SH3PXD2A: variants seen among roughly 807,000 people sequenced by gnomAD.
The protein encoded by SH3PXD2A is SH3 and PX domain-containing protein 2A.
In SH3PXD2A, 32 loss-of-function variants were observed where a neutral mutation model predicts 115.2. That is an observed-to-expected ratio of 0.28 (90% CI 0.21 to 0.37). SH3PXD2A has a LOEUF of 0.37. SH3PXD2A is among the 10% of genes least tolerant of loss of function. The pLI is 1.00. For synonymous variants in SH3PXD2A, 610 were observed against 629.1 expected, an observed-to-expected ratio of 0.97 and a Z score of 0.45; for missense variants, 1,328 against 1,498.7, an observed-to-expected ratio of 0.89 and a Z score of 1.88.
At chr10:103,675,841 G>A (rs1187019263) in intron 6 of SH3PXD2A, among the ~76,000 whole-genome samples, 1 of 152,084 alleles carries the variant, frequency 6.6e-6, no homozygotes, top group East Asian at 1.9e-4. Flanking sequence ...TCAGGAGTTC[G>A]AGACCAGCCT....
intron 9 of SH3PXD2A, among the ~76,000 whole-genome samples, chr10:103,623,116 T>C (rs2036632717): frequency 6.6e-6 from 1 of 152,190 alleles, no homozygotes; most frequent in Admixed American, 6.5e-5. Flanking sequence ...AACCCTTCCC[T>C]GTGTCTCTGC....
chr10:103,749,407 C>T (rs2038547711), intron 3 of SH3PXD2A, among the ~76,000 whole-genome samples: 1 of 152,246 alleles, frequency 6.6e-6, no homozygotes. Flanking sequence ...ACTCAAAGGG[C>T]ACCCGACCTG....
intron 1 of SH3PXD2A, among the ~76,000 whole-genome samples, chr10:103,804,436 C>T (rs562056417): frequency 2.0e-5 from 3 of 150,150 alleles, no homozygotes; most frequent in Non-Finnish European, 4.4e-5. Context: ...ATTCTCCTGC[C>T]TCAGCCTCCC....
intron 1 of SH3PXD2A, among the ~76,000 whole-genome samples, chr10:103,827,921 A>G (rs2039446459): frequency 6.6e-6 from 1 of 152,222 alleles, no homozygotes; most frequent in African/African-American, 2.4e-5. Context: ...ACAAGAGTGG[A>G]TGAGAACAGT....
rs557609368 is a variant in SH3PXD2A, at chr10:103,784,580, C to A, written c.153+16702G>T. Among the ~76,000 whole-genome samples the A allele has an allele frequency of 5.9e-5, 9 of 152,276 alleles. No homozygotes were observed. The South Asian group carries it at 1.9e-3, about 32-fold the overall frequency. On this transcript the variant is annotated intron_variant, in intron 2 of 14. Transcript: ENST00000369774. The surrounding 1 kb of genome is among the most constrained non-coding windows in gnomAD (Gnocchi z 4.4). ...CATTTTCTATAGGATTGAAAACATTCCTAATTACAAATAAACACTGGAGAG... is the reference window on the plus strand; with the variant it reads ...CATTTTCTATAGGATTGAAAACATTACTAATTACAAATAAACACTGGAGAG...
chr10:103,853,198 G>A (rs1207956468), intron 1 of SH3PXD2A, among the ~76,000 whole-genome samples: 10 of 152,330 alleles, frequency 6.6e-5, no homozygotes, highest in Non-Finnish European at 1.2e-4. Flanking sequence ...TGATCATTTC[G>A]AGGGAACTGG....
chr10:103,809,757 T>A (rs574201036), intron 1 of SH3PXD2A, among the ~76,000 whole-genome samples: 3 of 141,624 alleles, frequency 2.1e-5, no homozygotes, highest in African/African-American at 7.9e-5. Flanking sequence ...CCATCTCAGA[T>A]CACTACAACC....
chr10:103,611,616 G>A lies in SH3PXD2A; in HGVS notation c.1273C>T (p.Arg425Trp), dbSNP rs756112682. 1.2e-5 allele frequency: 19 copies of A among 1,614,008 alleles called. No homozygotes were observed. Among genetic ancestry groups the A allele is most frequent in the South Asian group, 6.6e-5 (6 of 91,062 alleles). ...QRAQISSPNL[R>W]TRPPPRRESS... ...TCTCTGCGTGGTGGAGGTCTTGTCC[G>A]TAGGTTCGGGGAGCCTAGAGGAAGA... is the stretch of plus-strand genomic sequence containing the variant. Residue 425 changes from arginine to tryptophan, a missense_variant, in exon 13 of 15, where the codon CGG becomes TGG. Transcript: ENST00000369774.
chr10:103,610,544 A>C (rs186197240), intron 13 of SH3PXD2A, among the ~76,000 whole-genome samples: 2 of 152,194 alleles, frequency 1.3e-5, no homozygotes, highest in Non-Finnish European at 2.9e-5. Flanking sequence ...TTTAAAAACC[A>C]TATTTTTATG....
At chr10:103,731,138 G>A (rs1005484664) in intron 4 of SH3PXD2A, among the ~76,000 whole-genome samples, 1 of 151,864 alleles carries the variant, frequency 6.6e-6, no homozygotes, top group African/African-American at 2.4e-5. Flanking sequence ...GGGGGCAGCA[G>A]GACTCCTCTG....
At chr10:103,700,137 A>C (rs902480449) in intron 5 of SH3PXD2A, among the ~76,000 whole-genome samples, 1 of 152,246 alleles carries the variant, frequency 6.6e-6, no homozygotes, top group African/African-American at 2.4e-5. Flanking sequence ...GTGTGTCTTC[A>C]GCCACAGGAC....
At chr10:103,693,235 G>A (rs1295725496) in intron 5 of SH3PXD2A, 179 bp from the exon 6 acceptor site, 6 of 104,658 alleles carry the variant, frequency 5.7e-5, no homozygotes, top group Non-Finnish European at 1.2e-4. Context: ...GCGCCCGCCC[G>A]CCCGCCCGCC....
chr10:103,778,328 T>A (rs1201505236), intron 2 of SH3PXD2A, among the ~76,000 whole-genome samples: 2 of 151,782 alleles, frequency 1.3e-5, no homozygotes, highest in Non-Finnish European at 2.9e-5. Flanking sequence ...CGAGACTCCG[T>A]CTCCAGAAAA....
chr10:103,710,590 C>T (rs777519765), intron 5 of SH3PXD2A, among the ~76,000 whole-genome samples: 1 of 152,108 alleles, frequency 6.6e-6, no homozygotes, highest in East Asian at 1.9e-4. Flanking sequence ...TCAGCTAGCA[C>T]GAGGGATATG....
chr10:103,701,679 CCATCCATCATT>C (rs1319703920), intron 5 of SH3PXD2A, among the ~76,000 whole-genome samples: 1 of 148,876 alleles, frequency 6.7e-6, no homozygotes, highest in Non-Finnish European at 1.5e-5. Context: ...CATCATCCAT[CCATCCATCATT>C]CATCCAGCCA....
intron 1 of SH3PXD2A, among the ~76,000 whole-genome samples, chr10:103,838,144 A>T (rs1016683538): frequency 6.6e-6 from 1 of 152,172 alleles, no homozygotes; most frequent in African/African-American, 2.4e-5. Context: ...CCTCTAGAAC[A>T]TGCCACAGGT....
intron 8 of SH3PXD2A, among the ~76,000 whole-genome samples, chr10:103,640,810 A>G (rs1385953957): frequency 6.6e-6 from 1 of 152,114 alleles, no homozygotes; most frequent in Admixed American, 6.5e-5. Context: ...CAACAGGAAG[A>G]AAGGGGGCCT....
intron 2 of SH3PXD2A, among the ~76,000 whole-genome samples, chr10:103,767,810 G>GTTTTT (rs34903223): frequency 0.046 from 3,074 of 66,328 alleles, 88 homozygotes; most frequent in East Asian, 0.053. Flanking sequence ...CAACTGTTTT[G>GTTTTT]TTTTTTTTTT....
chr10:103,738,085 C>G (rs2134188311), intron 3 of SH3PXD2A, among the ~76,000 whole-genome samples: 1 of 152,302 alleles, frequency 6.6e-6, no homozygotes, highest in Middle Eastern at 3.4e-3. Context: ...CTTGCTCAAG[C>G]TCTCCTTCAT....
Sources: gnomAD v4.1 joint callset for allele counts (sites outside exome capture counted in the v4.1 genomes callset) on GRCh38, gnomAD v4.1.1 for gene constraint, Gnocchi (gnomAD v3.1) non-coding constraint, MANE v1.5 for transcripts, NCBI Gene and HGNC (gene_info 2026-07-23, HGNC 2026-07-21) for gene names.